Variants in GPC6 observed in about 807,000 individuals in gnomAD.
GPC6 encodes glypican-6.
A neutral mutation model predicts 55.2 loss-of-function variants in GPC6; 14 were observed. That is an observed-to-expected ratio of 0.25 (90% CI 0.17 to 0.40). GPC6 has a LOEUF of 0.40. GPC6 is among the 10% of genes least tolerant of loss of function. The pLI, the probability that GPC6 is intolerant of heterozygous loss-of-function variation, is 1.00. For synonymous variants in GPC6, 278 were observed against 259.6 expected, an observed-to-expected ratio of 1.07 and a Z score of -0.68; for missense variants, 641 against 708.5, an observed-to-expected ratio of 0.90 and a Z score of 1.08.
chr13:93,367,754 C>A (rs906629987), intron 1 of GPC6, among the ~76,000 whole-genome samples: 2 of 151,992 alleles, frequency 1.3e-5, no homozygotes, highest in African/African-American at 4.8e-5. Flanking sequence ...TGTTATCCTT[C>A]TATTCTTGAT....
chr13:93,843,933 T>C (rs748028796), intron 3 of GPC6, among the ~76,000 whole-genome samples: 1 of 152,172 alleles, frequency 6.6e-6, no homozygotes. Context: ...AAATAAGCCA[T>C]GTGTCAAGAA....
At chr13:93,674,314 T>C (rs1478878772) in intron 2 of GPC6, among the ~76,000 whole-genome samples, 1 of 152,212 alleles carries the variant, frequency 6.6e-6, no homozygotes, top group Non-Finnish European at 1.5e-5. Context: ...ACTTTGGGAC[T>C]ATGTTTTATT....
Position 93,973,511 on chromosome 13 carries a change from G to C in GPC6, c.712-54218G>C, listed in dbSNP as rs189541763. On this transcript the variant is annotated intron_variant, in intron 3 of 8. Coordinates refer to ENST00000377047, the MANE Select transcript of GPC6 (RefSeq NM_005708.5). ...ATACAGTTAATTAAGCCAAAAAAAG[G>C]CATGATCTCTTATCTAACTATGATT... Among the ~76,000 whole-genome samples the C allele has an allele frequency of 8.6e-5, 13 of 151,980 alleles. No individual in the cohort carries two copies. In the South Asian group the frequency reaches 2.3e-3, roughly 27 times the overall value.
intron 1 of GPC6, among the ~76,000 whole-genome samples, chr13:93,523,889 G>A (rs190250837): frequency 4.1e-4 from 63 of 152,050 alleles, no homozygotes; most frequent in African/African-American, 1.4e-3. Context: ...GATTTGAGGG[G>A]TTGGGAGGAG....
At chr13:93,930,689 C>T (rs1878123555) in intron 3 of GPC6, among the ~76,000 whole-genome samples, 2 of 152,204 alleles carry the variant, frequency 1.3e-5, no homozygotes, top group Admixed American at 6.5e-5. Flanking sequence ...GCAGGGAAGT[C>T]ACTTTAGGAG....
chr13:93,259,121 G>A (rs1877050740), intron 1 of GPC6, among the ~76,000 whole-genome samples: 1 of 152,138 alleles, frequency 6.6e-6, no homozygotes, highest in Admixed American at 6.5e-5. Flanking sequence ...TTAGAAACAA[G>A]CTCCACTTCT....
intron 4 of GPC6, among the ~76,000 whole-genome samples, chr13:94,276,839 C>T (rs1036874588): frequency 1.3e-4 from 20 of 152,222 alleles, no homozygotes; most frequent in African/African-American, 4.8e-4. Context: ...CAGTCTATCA[C>T]TGATGGGCAT....
chr13:94,283,262 T>C (rs564853824), intron 4 of GPC6, among the ~76,000 whole-genome samples: 2 of 152,350 alleles, frequency 1.3e-5, no homozygotes, highest in East Asian at 3.9e-4. Context: ...CTAAACAACT[T>C]TACAAGCACG....
At chr13:93,697,489 C>T (rs1013429230) in intron 2 of GPC6, among the ~76,000 whole-genome samples, 13 of 152,152 alleles carry the variant, frequency 8.5e-5, no homozygotes, top group African/African-American at 2.9e-4. Flanking sequence ...TTACTTTTCT[C>T]CCACTAATGT....
intron 2 of GPC6, among the ~76,000 whole-genome samples, chr13:93,622,198 A>G (rs997723172): frequency 6.6e-6 from 1 of 152,218 alleles, no homozygotes; most frequent in Admixed American, 6.5e-5. Context: ...CATGCTCAAA[A>G]ATATGTAAAA....
chr13:93,448,445 G>A (rs1279102867), intron 1 of GPC6, among the ~76,000 whole-genome samples: 1 of 152,104 alleles, frequency 6.6e-6, no homozygotes, highest in Non-Finnish European at 1.5e-5. Context: ...TTCAGAATAT[G>A]TCCCTGTCAT....
chr13:94,150,442 C>T (rs1887697914), intron 4 of GPC6, among the ~76,000 whole-genome samples: 1 of 152,056 alleles, frequency 6.6e-6, no homozygotes, highest in South Asian at 2.1e-4. Context: ...TTCCAAACCC[C>T]TTCTTGTTCT....
At chr13:94,359,030 C>T (rs964302759) in intron 6 of GPC6, among the ~76,000 whole-genome samples, 5 of 152,148 alleles carry the variant, frequency 3.3e-5, no homozygotes, top group African/African-American at 1.2e-4. Flanking sequence ...CCTTTCCTCT[C>T]GACCATATAA....
chr13:94,318,469 G>A (rs1410552614), intron 6 of GPC6, among the ~76,000 whole-genome samples: 1 of 152,084 alleles, frequency 6.6e-6, no homozygotes, highest in Admixed American at 6.5e-5. Flanking sequence ...ATAACACACT[G>A]TAATAAAAGT....
At chr13:93,669,286 T>G (rs1881267068) in intron 2 of GPC6, among the ~76,000 whole-genome samples, 1 of 152,228 alleles carries the variant, frequency 6.6e-6, no homozygotes, top group Non-Finnish European at 1.5e-5. Context: ...TAAATTCATC[T>G]GGCATCTCTT....
intron 6 of GPC6, among the ~76,000 whole-genome samples, chr13:94,312,035 A>G (rs777809945): frequency 1.2e-4 from 19 of 152,334 alleles, no homozygotes; most frequent in Non-Finnish European, 2.5e-4. Context: ...AATAGTTATC[A>G]TGACCCTTGT....
In GPC6 at chr13:94,338,724, C is replaced by T. The variant is rs1272319539; in HGVS notation, c.1152+32601C>T. On this transcript the variant is annotated intron_variant, in intron 6 of 8. Coordinates refer to ENST00000377047, the MANE Select transcript of GPC6 (RefSeq NM_005708.5). Reference sequence around the variant, plus strand: ...AGTTGAGGAAATGGAGTCCGAGTGGCCAGAAGAAATTTCATGAATTTTAGA... The same window carrying T: ...AGTTGAGGAAATGGAGTCCGAGTGGTCAGAAGAAATTTCATGAATTTTAGA... 4.6e-5 allele frequency among the ~76,000 whole-genome samples: 7 copies of T among 152,070 alleles called. No homozygotes were observed. The East Asian group carries it at 1.3e-3, about 29-fold the overall frequency.
Position 93,616,121 on chromosome 13 carries a change from GTTTGGGGAAA to G in GPC6, c.319+70702_319+70711del, listed in dbSNP as rs565558566. ...CTCTTTAGTCTGTCCTACTTTCACT[GTTTGGGGAAA>G]TAGGTAAGAATTTGTATTAAAATCC... On this transcript the variant is annotated intron_variant, in intron 2 of 8. Coordinates refer to ENST00000377047, the MANE Select transcript of GPC6 (RefSeq NM_005708.5). Among the ~76,000 whole-genome samples the G allele has an allele frequency of 2.4e-3, 370 of 152,114 alleles. 1 individual carries two copies. Among genetic ancestry groups the G allele is most frequent in the African/African-American group, 8.6e-3 (359 of 41,526 alleles).
At chr13:93,946,329 G>A (rs1879006633) in intron 3 of GPC6, among the ~76,000 whole-genome samples, 1 of 152,116 alleles carries the variant, frequency 6.6e-6, no homozygotes, top group African/African-American at 2.4e-5. Flanking sequence ...ATGAGGTCTT[G>A]CTATGTTGCC....
Sources: gnomAD v4.1 joint callset for allele counts (sites outside exome capture counted in the v4.1 genomes callset) on GRCh38, gnomAD v4.1.1 for gene constraint, MANE v1.5 for transcripts, NCBI Gene and HGNC (gene_info 2026-07-23, HGNC 2026-07-21) for gene names.